GPC5: variants seen among roughly 807,000 people sequenced by gnomAD.
GPC5 encodes glypican 5.
Under a neutral mutation model 53.9 loss-of-function variants are expected in GPC5, and 47 were observed. The ratio of observed to expected loss-of-function variants is 0.87; its 90% CI spans 0.69 to 1.11. The LOEUF (loss-of-function observed/expected upper bound fraction) is 1.11, where lower values mean the gene tolerates loss of function less well. GPC5 is among the 50% of genes most tolerant of loss of function. The probability of loss-of-function intolerance (pLI) is 0.00; values close to 1 mark genes in which losing one functional copy is unlikely to be tolerated. For missense variants in GPC5, 748 were observed against 713.1 expected (o/e 1.05, Z -0.56); for synonymous variants, 286 against 263.3 (o/e 1.09, Z -0.84).
chr13:92,196,370 A>G lies in GPC5; in HGVS notation c.1561+51381A>G, dbSNP rs181330902. 4.7e-4 allele frequency among the ~76,000 whole-genome samples: 72 copies of G among 152,300 alleles called. No homozygotes were observed. In the East Asian group the frequency reaches 8.5e-3, roughly 18 times the overall value. On this transcript the variant is annotated intron_variant, in intron 7 of 7. Transcript: ENST00000377067. ...AATATGAATAGAAATAAAGATTTCT[A>G]TGTACAAAGGCACTTAATACATATA...
Position 91,448,013 on chromosome 13 carries a change from A to G in GPC5, c.164-748A>G, listed in dbSNP as rs550041970. Among the ~76,000 whole-genome samples the G allele has an allele frequency of 6.6e-5, 10 of 152,268 alleles. No homozygotes were observed. In the South Asian group the frequency reaches 1.7e-3, roughly 25 times the overall value. ...ATAAAGGTGCTTGTCCTGGGTCCCT[A>G]CCAGGATGAAAGTTTAGTGATACTA... On this transcript the variant is annotated intron_variant, in intron 1 of 7. Transcript: ENST00000377067.
chr13:91,525,624 G>A lies in GPC5; in HGVS notation c.325+76702G>A, dbSNP rs144436023. On this transcript the variant is annotated intron_variant, in intron 2 of 7. Transcript: ENST00000377067. ...ATGGGATAAACTGGTGGGTAGTGAGGAAAGAAGTAAGTGCATGTTGTTTGC... is the reference window on the plus strand; with the variant it reads ...ATGGGATAAACTGGTGGGTAGTGAGAAAAGAAGTAAGTGCATGTTGTTTGC... 3.0e-3 allele frequency among the ~76,000 whole-genome samples: 461 copies of A among 152,280 alleles called. 1 individual carries two copies. The highest frequency in any genetic ancestry group is 5.4e-3 in the Non-Finnish European group (370 of 68,008).
At chr13:91,969,394 G>A (rs2139088290) in intron 6 of GPC5, among the ~76,000 whole-genome samples, 1 of 152,130 alleles carries the variant, frequency 6.6e-6, no homozygotes, top group African/African-American at 2.4e-5. Flanking sequence ...ATGGATTAAA[G>A]GCTTACATAG....
intron 7 of GPC5, among the ~76,000 whole-genome samples, chr13:92,250,873 TG>T (rs1282996367): frequency 2.6e-5 from 4 of 151,972 alleles, no homozygotes; most frequent in African/African-American, 7.2e-5. Context: ...TTTTATTGAT[TG>T]AAAAAAAAGG....
intron 7 of GPC5, among the ~76,000 whole-genome samples, chr13:92,222,888 G>A (rs772569643): frequency 2.0e-4 from 31 of 152,050 alleles, no homozygotes; most frequent in Non-Finnish European, 2.5e-4. Flanking sequence ...AATTATAATA[G>A]TTTGATGGCA....
At chr13:91,434,881 TCTC>T (rs1178991971) in intron 1 of GPC5, among the ~76,000 whole-genome samples, 1 of 152,176 alleles carries the variant, frequency 6.6e-6, no homozygotes, top group African/African-American at 2.4e-5. Context: ...GGTTTGTAGT[TCTC>T]CTTGAAGAGG....
chr13:91,572,186 T>TA (rs2031930101), intron 2 of GPC5, among the ~76,000 whole-genome samples: 1 of 28,634 alleles, frequency 3.5e-5, no homozygotes, highest in African/African-American at 5.7e-5. Flanking sequence ...TATACGTGTG[T>TA]ATACACACAC....
At chr13:91,800,457 A>G (rs557781256) in intron 5 of GPC5, among the ~76,000 whole-genome samples, 160 of 130,700 alleles carry the variant, frequency 1.2e-3, no homozygotes, top group Non-Finnish European at 2.0e-3. Context: ...CATGATACAT[A>G]CTAAGACCCA....
At chr13:92,697,288 C>T (rs1887585153) in intron 7 of GPC5, among the ~76,000 whole-genome samples, 1 of 152,088 alleles carries the variant, frequency 6.6e-6, no homozygotes, top group African/African-American at 2.4e-5. Context: ...TTAATTTGGG[C>T]AGTACAGCCA....
At chr13:91,455,419 T>C (rs1299333677) in intron 2 of GPC5, among the ~76,000 whole-genome samples, 4 of 152,160 alleles carry the variant, frequency 2.6e-5, no homozygotes, top group Non-Finnish European at 5.9e-5. Context: ...TGTTGTATCT[T>C]GTTTTCTAAA....
intron 7 of GPC5, among the ~76,000 whole-genome samples, chr13:92,631,327 C>T (rs750513556): frequency 1.1e-4 from 16 of 152,054 alleles, no homozygotes; most frequent in Non-Finnish European, 1.2e-4. Flanking sequence ...TTACTCTTTG[C>T]ATTTCTAGAC....
At chr13:91,588,929 G>A (rs1249656262) in intron 2 of GPC5, among the ~76,000 whole-genome samples, 4 of 152,084 alleles carry the variant, frequency 2.6e-5, no homozygotes, top group African/African-American at 7.2e-5. Flanking sequence ...ATACTGTATG[G>A]ATTTTACCAA....
At chr13:92,643,362 C>T (rs577105202) in intron 7 of GPC5, among the ~76,000 whole-genome samples, 1 of 152,090 alleles carries the variant, frequency 6.6e-6, no homozygotes, top group African/African-American at 2.4e-5. Flanking sequence ...TTTGACCCAG[C>T]CATCCCATTA....
chr13:92,598,291 G>T (rs749648799), intron 7 of GPC5, among the ~76,000 whole-genome samples: 13 of 152,160 alleles, frequency 8.5e-5, no homozygotes, highest in Non-Finnish European at 1.9e-4. Flanking sequence ...AATGCAAATT[G>T]TTGCTAGGGA....
chr13:92,828,170 C>G (rs1877917605), intron 7 of GPC5, among the ~76,000 whole-genome samples: 1 of 152,086 alleles, frequency 6.6e-6, no homozygotes, highest in South Asian at 2.1e-4. Context: ...TCCCCCCTCA[C>G]CCTATCTCCA....
intron 5 of GPC5, among the ~76,000 whole-genome samples, chr13:91,820,820 G>A (rs1337201856): frequency 6.6e-6 from 1 of 152,006 alleles, no homozygotes; most frequent in East Asian, 1.9e-4. Context: ...AAAATTAGCC[G>A]GGCGTGGTGG....
intron 7 of GPC5, among the ~76,000 whole-genome samples, chr13:92,428,166 C>T (rs1454243775): frequency 6.6e-6 from 1 of 152,012 alleles, no homozygotes; most frequent in Non-Finnish European, 1.5e-5. Context: ...CATTCCTGGC[C>T]CCCAACCTAT....
At chr13:91,780,448 T>A (rs180729344) in intron 5 of GPC5, among the ~76,000 whole-genome samples, 48 of 152,236 alleles carry the variant, frequency 3.2e-4, no homozygotes, top group Admixed American at 7.9e-4. Context: ...TATATTTTTT[T>A]AAAAATTTCT....
intron 6 of GPC5, among the ~76,000 whole-genome samples, chr13:91,978,534 G>A (rs2040328361): frequency 6.6e-6 from 1 of 152,142 alleles, no homozygotes; most frequent in Admixed American, 6.5e-5. Context: ...GTGAGGCTAG[G>A]CTACTGTGGA....
Sources: gnomAD v4.1 joint callset for allele counts (sites outside exome capture counted in the v4.1 genomes callset) on GRCh38, gnomAD v4.1.1 for gene constraint, MANE v1.5 for transcripts, NCBI Gene and HGNC (gene_info 2026-07-23, HGNC 2026-07-21) for gene names.